Variants in CDC42EP4 observed in about 807,000 individuals in gnomAD.
The protein encoded by CDC42EP4 is CDC42 effector protein (Rho GTPase binding) 4.
Under a neutral mutation model 5.6 loss-of-function variants are expected in CDC42EP4, and 6 were observed. The ratio of observed to expected loss-of-function variants is 1.07; its 90% confidence interval spans 0.59 to 2.12. CDC42EP4 has a LOEUF of 2.12. Among genes scored for constraint, CDC42EP4 ranks in the 30% most tolerant of loss-of-function variants. The pLI is 0.00. For missense variants in CDC42EP4, 490 were observed against 508.6 expected (o/e 0.96, Z 0.35); for synonymous variants, 230 against 224.2 (o/e 1.03, Z -0.23).
At chr17:73,289,581 A>G (rs1345271254) in intron 1 of CDC42EP4, among the ~76,000 whole-genome samples, 1 of 151,714 alleles carries the variant, frequency 6.6e-6, no homozygotes, top group Admixed American at 6.6e-5. Context: ...AAAAACCACC[A>G]AAAAGCCACA....
In CDC42EP4 at chr17:73,297,001, A is replaced by AAAAAAAAAAAAAAC. The variant is rs547362762; in HGVS notation, c.-112-10390_-112-10389insGTTTTTTTTTTTTT. Among the ~76,000 whole-genome samples, 176 of 61,768 alleles carry AAAAAAAAAAAAAAC rather than the reference A, an allele frequency of 2.8e-3. 32 individuals are homozygous for AAAAAAAAAAAAAAC. The highest frequency in any genetic ancestry group is 0.023 in the East Asian group (56 of 2,458). The allele number at this position is 61,768 out of a possible 152,430, so 40.5% of individuals were successfully genotyped here. On this transcript the variant is annotated intron_variant, in intron 1 of 1. Coordinates refer to ENST00000335793, the MANE Select transcript of CDC42EP4 (RefSeq NM_012121.5). ...GTCTCAAAAAAAAAAAAAAAAAAAA[A>AAAAAAAAAAAAAAC]AAATACACAAGGCCAAGCGCCGTGG...
In CDC42EP4 at chr17:73,299,429, T is replaced by TAA. The variant is rs1286695604; in HGVS notation, c.-113+12462_-113+12463dup. ...TGGGTGACAGAGCGAGACTCCGTCCTAAAAAAAAAAAAAATACACACACAC... is the reference window on the plus strand; with the variant it reads ...TGGGTGACAGAGCGAGACTCCGTCCTAAAAAAAAAAAAAAAATACACACACAC... On this transcript the variant is annotated intron_variant, in intron 1 of 1. Coordinates refer to ENST00000335793, the MANE Select transcript of CDC42EP4 (RefSeq NM_012121.5). Among the ~76,000 whole-genome samples, 194 of 113,302 alleles carry TAA rather than the reference T, an allele frequency of 1.7e-3. 1 individual carries two copies. The highest frequency in any genetic ancestry group is 4.8e-3 in the African/African-American group (138 of 28,494). The allele number at this position is 113,302 out of a possible 152,430, so 74.3% of individuals were successfully genotyped here.
chr17:73,293,173 T>C (rs1331738295), intron 1 of CDC42EP4, among the ~76,000 whole-genome samples: 4 of 152,200 alleles, frequency 2.6e-5, no homozygotes, highest in Non-Finnish European at 5.9e-5. Context: ...GAGGTCATTA[T>C]AGGTGTACAA....
At chr17:73,308,152 G>T (rs544873933) in intron 1 of CDC42EP4, among the ~76,000 whole-genome samples, 1 of 152,298 alleles carries the variant, frequency 6.6e-6, no homozygotes, top group Admixed American at 6.5e-5. Flanking sequence ...GAGAGGGCAC[G>T]CATGGGCTTG....
At chr17:73,290,107 C>G (rs200154020) in intron 1 of CDC42EP4, among the ~76,000 whole-genome samples, 2 of 152,212 alleles carry the variant, frequency 1.3e-5, no homozygotes, top group African/African-American at 4.8e-5. Context: ...CCTGGCTCTA[C>G]GCACAGCATC....
rs569802841 is a variant in CDC42EP4, at chr17:73,286,444, T to G, written c.57A>C (p.Arg19=). The change falls in exon 2 of 2, where the codon CGA becomes CGC. Residue 19 remains arginine, a synonymous_variant. Coordinates refer to ENST00000335793, the MANE Select transcript of CDC42EP4 (RefSeq NM_012121.5). The surrounding 1 kb of genome is among the most constrained non-coding windows in gnomAD (Gnocchi z 7.7). ...SSSVHSKRRS[R]ADLTAEMISA... is the part of the protein sequence containing the mutation. The stretch of plus-strand genomic sequence containing the variant: ...TGATCATCTCGGCCGTGAGGTCCGC[T>G]CGGGAACGGCGCTTGGAGTGCACCG... 2 of 1,612,310 alleles carry G rather than the reference T, an allele frequency of 1.2e-6. No individual in the cohort carries two copies. Among genetic ancestry groups the G allele is most frequent in the South Asian group, 1.1e-5 (1 of 90,978 alleles).
Position 73,297,001 on chromosome 17 carries a change from A to AAAAAAAAAAAAAAAAAAAAAAC in CDC42EP4, c.-112-10390_-112-10389insGTTTTTTTTTTTTTTTTTTTTT, listed in dbSNP as rs547362762. 3.6e-4 allele frequency among the ~76,000 whole-genome samples: 22 copies of AAAAAAAAAAAAAAAAAAAAAAC among 61,770 alleles called. 3 individuals carry two copies. The highest frequency in any genetic ancestry group is 7.5e-4 in the African/African-American group (14 of 18,768). 40.5% of individuals were successfully genotyped at this position (61,770 alleles called of 152,430 possible). On this transcript the variant is annotated intron_variant, in intron 1 of 1. Transcript: ENST00000335793. ...GTCTCAAAAAAAAAAAAAAAAAAAA[A>AAAAAAAAAAAAAAAAAAAAAAC]AAATACACAAGGCCAAGCGCCGTGG...
At chr17:73,297,473 C>CA (rs899469986) in intron 1 of CDC42EP4, among the ~76,000 whole-genome samples, 4 of 150,434 alleles carry the variant, frequency 2.7e-5, no homozygotes, top group East Asian at 3.9e-4. Context: ...GACTCTGTCT[C>CA]AAAAAAAATA....
chr17:73,290,816 T>A (rs2062157835), intron 1 of CDC42EP4, among the ~76,000 whole-genome samples: 1 of 151,900 alleles, frequency 6.6e-6, no homozygotes, highest in African/African-American at 2.4e-5. Flanking sequence ...ACCCTGTGAG[T>A]GATGTCAGGT....
At chr17:73,306,359 A>G (rs1462692555) in intron 1 of CDC42EP4, among the ~76,000 whole-genome samples, 1 of 151,432 alleles carries the variant, frequency 6.6e-6, no homozygotes, top group Non-Finnish European at 1.5e-5. Context: ...TAAATTAGCC[A>G]GGCATGGCGG....
In CDC42EP4 at chr17:73,293,963, G is replaced by A. The variant is rs57553422; in HGVS notation, c.-112-7351C>T. 2.0e-5 allele frequency among the ~76,000 whole-genome samples: 3 copies of A among 152,202 alleles called. No homozygotes were observed. The East Asian group carries it at 5.8e-4, about 29-fold the overall frequency. On this transcript the variant is annotated intron_variant, in intron 1 of 1. Coordinates refer to ENST00000335793, the MANE Select transcript of CDC42EP4 (RefSeq NM_012121.5). ...ATCTTTTAACTCCTTCATGTGCCCT[G>A]CTCAAAAGCCCTTGCATCTGGAAGT...
intron 1 of CDC42EP4, among the ~76,000 whole-genome samples, chr17:73,310,545 G>A (rs1212114089): frequency 6.6e-6 from 1 of 152,072 alleles, no homozygotes; most frequent in African/African-American, 2.4e-5. Context: ...CACAGTAAGG[G>A]ATGTGGGAGC....
intron 1 of CDC42EP4, among the ~76,000 whole-genome samples, chr17:73,305,355 G>A (rs775306815): frequency 1.3e-5 from 2 of 152,238 alleles, no homozygotes; most frequent in African/African-American, 2.4e-5. Flanking sequence ...CTACTGGGCA[G>A]CAGGGTGCCT....
intron 1 of CDC42EP4, among the ~76,000 whole-genome samples, chr17:73,295,097 C>T (rs2062178307): frequency 6.6e-6 from 1 of 152,064 alleles, no homozygotes; most frequent in Non-Finnish European, 1.5e-5. Flanking sequence ...CAGGCTTGAG[C>T]CATTGCGCCT....
At chr17:73,303,077 C>T (rs1467857125) in intron 1 of CDC42EP4, among the ~76,000 whole-genome samples, 1 of 148,590 alleles carries the variant, frequency 6.7e-6, no homozygotes, top group African/African-American at 2.5e-5. Context: ...GGCGCGGTGG[C>T]TCACGCCTGT....
chr17:73,297,994 G>T (rs1448474659), intron 1 of CDC42EP4, among the ~76,000 whole-genome samples: 1 of 104,286 alleles, frequency 9.6e-6, no homozygotes, highest in African/African-American at 3.4e-5. Flanking sequence ...AACAACAACA[G>T]CGAAAAAAAA....
chr17:73,285,604 C>T lies in CDC42EP4; in HGVS notation c.897G>A (p.Met299Ile), dbSNP rs1361984557. The change falls in exon 2 of 2, where the codon ATG (methionine) becomes ATA (isoleucine). Residue 299 changes from methionine (M) to isoleucine (I), a missense_variant. Met to Ile is a conservative substitution (Grantham distance 10, BLOSUM62 1). Transcript: ENST00000335793. This position sits in a 1 kb window ranked among gnomAD's most constrained non-coding sequence, Gnocchi z 6.8. ...TGCTGTCCCGTGTGGTGTGGCTGCC[C>T]ATGCTGCGGGCTGAGCCGGGGCTGG... ...AAPSPGSARS[M>I]GSHTTRDSSS... 6.2e-6 allele frequency: 10 copies of T among 1,608,730 alleles called. No individual in the cohort carries two copies. The highest frequency in any genetic ancestry group is 1.7e-5 in the Admixed American group (1 of 59,870).
At chr17:73,300,843 TC>T in intron 1 of CDC42EP4, among the ~76,000 whole-genome samples, 1 of 152,080 alleles carries the variant, frequency 6.6e-6, no homozygotes, top group South Asian at 2.1e-4. Context: ...GGTCAGGTGT[TC>T]GAAACCAGAC....
At chr17:73,301,512 C>G (rs1403709151) in intron 1 of CDC42EP4, among the ~76,000 whole-genome samples, 2 of 152,168 alleles carry the variant, frequency 1.3e-5, no homozygotes, top group South Asian at 2.1e-4. Flanking sequence ...TCAGTTGAAA[C>G]TCTGTAAGGT....
Sources: allele counts gnomAD v4.1 joint callset (sites outside exome capture counted in the v4.1 genomes callset), GRCh38; gene constraint gnomAD v4.1.1; non-coding constraint Gnocchi (gnomAD v3.1); transcripts MANE v1.5; gene names NCBI Gene and HGNC (gene_info 2026-07-23, HGNC 2026-07-21).